The following ACOXL variants were observed in gnomAD, a reference collection of about 807,000 sequenced individuals.
The protein encoded by ACOXL is acyl-CoA oxidase like.
In ACOXL, 70 loss-of-function variants were observed where a neutral mutation model predicts 71.9. The observed-to-expected ratio is 0.97, with a 90% confidence interval of 0.80 to 1.19. The LOEUF is 1.19. Among genes scored for constraint, ACOXL ranks in the 50% most tolerant of loss-of-function variants. The pLI, the probability that ACOXL is intolerant of heterozygous loss-of-function variation, is 0.00. For missense variants in ACOXL, 703 were observed against 736.3 expected (o/e 0.95, Z 0.52); for synonymous variants, 253 against 281.6 (o/e 0.90, Z 1.02).
At chr2:110,839,774 T>G (rs1033106134) in intron 9 of ACOXL, among the ~76,000 whole-genome samples, 1 of 152,048 alleles carries the variant, frequency 6.6e-6, no homozygotes, top group Non-Finnish European at 1.5e-5. Flanking sequence ...CTCATAGCTC[T>G]CCCTCCCCTT....
At chr2:111,072,627 C>G (rs1470925270) in intron 16 of ACOXL, among the ~76,000 whole-genome samples, 1 of 152,188 alleles carries the variant, frequency 6.6e-6, no homozygotes, top group African/African-American at 2.4e-5. Flanking sequence ...TTGGCACTGC[C>G]AACCTTGACA....
At chr2:111,062,569 G>A (rs1353761575) in intron 16 of ACOXL, among the ~76,000 whole-genome samples, 8 of 152,006 alleles carry the variant, frequency 5.3e-5, no homozygotes, top group Admixed American at 5.2e-4. Context: ...GGAACATAAA[G>A]CAAACCTCAA....
intron 12 of ACOXL, among the ~76,000 whole-genome samples, chr2:110,935,833 A>G (rs1329180101): frequency 2.2e-5 from 2 of 89,638 alleles, no homozygotes; most frequent in South Asian, 7.7e-4. Context: ...GTGGAAGACA[A>G]TTTTTCCATG....
intron 10 of ACOXL, among the ~76,000 whole-genome samples, chr2:110,846,768 T>C (rs1287395579): frequency 6.7e-6 from 1 of 149,656 alleles, no homozygotes; most frequent in Non-Finnish European, 1.5e-5. Flanking sequence ...GTCTGTGGTA[T>C]AGAGGGGTGT....
chr2:110,900,354 C>T (rs929971540), intron 10 of ACOXL, among the ~76,000 whole-genome samples: 2 of 152,036 alleles, frequency 1.3e-5, no homozygotes, highest in African/African-American at 2.4e-5. Flanking sequence ...TGAGCAGCAT[C>T]GCAGGTAATT....
intron 12 of ACOXL, among the ~76,000 whole-genome samples, chr2:110,983,639 T>C (rs1349580161): frequency 1.3e-5 from 2 of 152,154 alleles, no homozygotes; most frequent in Non-Finnish European, 2.9e-5. Flanking sequence ...CTATCACAAG[T>C]TGTCTTAAGG....
chr2:110,884,233 A>G (rs903141345), intron 10 of ACOXL, among the ~76,000 whole-genome samples: 3 of 152,252 alleles, frequency 2.0e-5, no homozygotes, highest in African/African-American at 7.2e-5. Flanking sequence ...GGAAAATTAA[A>G]CTATGTAAGG....
At chr2:111,052,174 G>A (rs1464106272) in intron 16 of ACOXL, among the ~76,000 whole-genome samples, 1 of 152,180 alleles carries the variant, frequency 6.6e-6, no homozygotes, top group Admixed American at 6.5e-5. Context: ...AGGAAAACAA[G>A]TGACTAGCCA....
chr2:111,103,305 A>T lies in ACOXL; in HGVS notation c.1542+10339A>T, dbSNP rs897502791. 2.6e-5 allele frequency among the ~76,000 whole-genome samples: 4 copies of T among 152,206 alleles called. No individual in the cohort carries two copies. In the East Asian group the frequency reaches 5.8e-4, roughly 22 times the overall value. On this transcript the variant is annotated intron_variant, in intron 17 of 17. Transcript: ENST00000439055. ...GCTAGACTGTGTCTCAAAAAAAATT[A>T]AAAAATAAATAAATAAAATAAAAAT...
chr2:110,817,524 A>T (rs768199996), intron 9 of ACOXL, among the ~76,000 whole-genome samples: 1 of 152,120 alleles, frequency 6.6e-6, no homozygotes, highest in Non-Finnish European at 1.5e-5. Context: ...GTTTCTTGAA[A>T]CTTCTGTGCT....
At chr2:110,909,484 A>G (rs936393323) in intron 11 of ACOXL, among the ~76,000 whole-genome samples, 3 of 152,050 alleles carry the variant, frequency 2.0e-5, no homozygotes. Flanking sequence ...CCGCATTATA[A>G]AGATAAGAAA....
chr2:110,839,455 C>T (rs892029445), intron 9 of ACOXL, among the ~76,000 whole-genome samples: 9 of 152,192 alleles, frequency 5.9e-5, no homozygotes, highest in Admixed American at 3.9e-4. Context: ...TCTTCCTCTT[C>T]TGTTTGCTTA....
chr2:110,893,551 G>C (rs559966042), intron 10 of ACOXL, among the ~76,000 whole-genome samples: 1 of 152,232 alleles, frequency 6.6e-6, no homozygotes, highest in East Asian at 1.9e-4. Flanking sequence ...GGTGATGTGT[G>C]TCAAGGGCTT....
At chr2:111,001,212 T>C (rs2063611126) in intron 14 of ACOXL, among the ~76,000 whole-genome samples, 1 of 152,158 alleles carries the variant, frequency 6.6e-6, no homozygotes, top group Admixed American at 6.5e-5. Flanking sequence ...TCAAAGAGAT[T>C]TGTGGGTGTG....
intron 10 of ACOXL, among the ~76,000 whole-genome samples, chr2:110,855,784 G>A (rs964760967): frequency 2.6e-5 from 4 of 152,200 alleles, no homozygotes; most frequent in Admixed American, 6.5e-5. Context: ...GAATGAAGCC[G>A]CGGACCTTCG....
At chr2:110,889,657 A>T (rs1400355070) in intron 10 of ACOXL, among the ~76,000 whole-genome samples, 1 of 152,222 alleles carries the variant, frequency 6.6e-6, no homozygotes, top group African/African-American at 2.4e-5. Context: ...AGTGTGTCAC[A>T]GCATGTATTG....
intron 15 of ACOXL, among the ~76,000 whole-genome samples, chr2:111,035,460 T>C (rs1037593012): frequency 2.0e-5 from 3 of 152,098 alleles, no homozygotes; most frequent in Admixed American, 1.3e-4. Flanking sequence ...TACCAATTCC[T>C]AAACAAAAAA....
intron 1 of ACOXL, among the ~76,000 whole-genome samples, chr2:110,735,115 A>G (rs1222032294): frequency 1.3e-5 from 2 of 152,230 alleles, no homozygotes; most frequent in East Asian, 3.8e-4. Flanking sequence ...GAGTTGTAGT[A>G]ATGGCATGAA....
intron 12 of ACOXL, among the ~76,000 whole-genome samples, chr2:110,977,065 G>A (rs765705353): frequency 1.3e-5 from 2 of 152,054 alleles, no homozygotes; most frequent in African/African-American, 4.8e-5. Flanking sequence ...AATTTTTAGA[G>A]ATCAAGTATA....
Sources: allele counts gnomAD v4.1 joint callset (sites outside exome capture counted in the v4.1 genomes callset), GRCh38; gene constraint gnomAD v4.1.1; transcripts MANE v1.5; gene names NCBI Gene and HGNC (gene_info 2026-07-23, HGNC 2026-07-21).